The following CD274 variants were observed in gnomAD, a reference collection of about 807,000 sequenced individuals.
CD274 encodes CD274 molecule, also known as programmed cell death 1 ligand 1.
A neutral mutation model predicts 30.1 loss-of-function variants in CD274; 8 were observed. The ratio of observed to expected loss-of-function variants is 0.27; its 90% CI spans 0.16 to 0.48. The LOEUF (loss-of-function observed/expected upper bound fraction) is 0.48, where lower values mean the gene tolerates loss of function less well. CD274 is among the 20% of genes least tolerant of loss of function. CD274 has a pLI of 0.99. For missense variants in CD274, 353 were observed against 346.6 expected (o/e 1.02, Z -0.15); for synonymous variants, 152 against 124.6 (o/e 1.22, Z -1.46).
intron 1 of CD274, among the ~76,000 whole-genome samples, chr9:5,453,549 C>A (rs1043499824): frequency 8.5e-5 from 13 of 152,132 alleles, no homozygotes; most frequent in Non-Finnish European, 1.6e-4. Context: ...AAATTGGCAA[C>A]AATCTGATAC....
intron 3 of CD274, among the ~76,000 whole-genome samples, chr9:5,458,789 A>G (rs1819351741): frequency 6.6e-6 from 1 of 152,180 alleles, no homozygotes; most frequent in African/African-American, 2.4e-5. Context: ...ATGCTTCTCC[A>G]TTCATGACAT....
chr9:5,457,526 C>T, intron 3 of CD274, 106 bp downstream of exon 3: 5 of 831,144 alleles, frequency 6.0e-6, no homozygotes, highest in Non-Finnish European at 9.3e-6. Context: ...AACAGAACAG[C>T]ATAGTCTGTT....
intron 2 of CD274, 55 bp from the exon 3 acceptor site, chr9:5,457,024 G>C: frequency 7.9e-7 from 1 of 1,268,964 alleles, no homozygotes; most frequent in Non-Finnish European, 1.1e-6. Flanking sequence ...TGCCAATTTT[G>C]TAAATGTTTC....
intron 1 of CD274, among the ~76,000 whole-genome samples, chr9:5,452,942 T>C (rs923957225): frequency 1.3e-5 from 2 of 152,120 alleles, no homozygotes; most frequent in African/African-American, 2.4e-5. Flanking sequence ...TGAATTTGTG[T>C]TTATAATACA....
rs1162523484 is a variant in CD274, at chr9:5,469,366, A to T, written c.*1504A>T. The T allele has an allele frequency of 8.6e-6, 2 of 232,520 alleles. No individual in the cohort carries two copies. The highest frequency in any genetic ancestry group is 1.7e-5 in the Non-Finnish European group (2 of 117,678). 14.4% of individuals were successfully genotyped at this position (232,520 alleles called of 1,614,324 possible). A position where few individuals can be genotyped will look rare whatever the true frequency, so the allele number is the denominator to read the frequency against. ...AAGATCCCATGGGAGATGGTTGGAA[A>T]ATCTCCACTTCATCCTCCAAGCCAT... On this transcript the variant is annotated 3_prime_UTR_variant, in exon 7 of 7. Transcript: ENST00000381577.
intron 3 of CD274, 51 bp from the exon 4 acceptor site, chr9:5,462,783 C>T (rs188918055): frequency 1.6e-4 from 241 of 1,533,572 alleles, no homozygotes; most frequent in Non-Finnish European, 2.0e-4. Context: ...AAGCTATGTA[C>T]GTAGTTCTGT....
chr9:5,469,803 G>C lies in CD274; in HGVS notation c.*1941G>C. 4.3e-6 allele frequency: 1 copy of C among 232,994 alleles called. No homozygotes were observed. Among genetic ancestry groups the C allele is most frequent in the Non-Finnish European group, 8.5e-6 (1 of 117,870 alleles). The allele number at this position is 232,994 out of a possible 1,614,324, so 14.4% of individuals were successfully genotyped here. ...ACCCATGGGCTCTCCAGGGTGCACT[G>C]AGTCAATCTAGTCCTAAAAAGCAAT... On this transcript the variant is annotated 3_prime_UTR_variant, in exon 7 of 7. Transcript: ENST00000381577.
At chr9:5,463,152 G>C (rs1819437062) in intron 4 of CD274, 31 bp downstream of exon 4, 1 of 1,545,120 alleles carries the variant, frequency 6.5e-7, no homozygotes. Context: ...ATTAAAATAT[G>C]TCTAACACTG....
intron 1 of CD274, among the ~76,000 whole-genome samples, chr9:5,451,854 T>G (rs928350671): frequency 6.6e-6 from 1 of 152,052 alleles, no homozygotes; most frequent in Non-Finnish European, 1.5e-5. Flanking sequence ...ATTTTTTTTT[T>G]GTTTTTGTAG....
chr9:5,457,003 T>C, intron 2 of CD274, 76 bp from the exon 3 acceptor site: 1 of 988,350 alleles, frequency 1.0e-6, no homozygotes, highest in Non-Finnish European at 1.5e-6. Context: ...TAAAGTGATT[T>C]ATAAACGCTG....
chr9:5,452,760 A>G (rs1195372968), intron 1 of CD274, among the ~76,000 whole-genome samples: 1 of 152,150 alleles, frequency 6.6e-6, no homozygotes, highest in Non-Finnish European at 1.5e-5. Flanking sequence ...TACTCCTAAA[A>G]ATTTCAACCA....
chr9:5,458,918 T>C (rs751995559), intron 3 of CD274, among the ~76,000 whole-genome samples: 2 of 152,108 alleles, frequency 1.3e-5, no homozygotes, highest in Non-Finnish European at 2.9e-5. Context: ...ATCAACAGCA[T>C]TGCTAGATCT....
rs376113864 is a variant in CD274 at position 5,467,870 on chromosome 9, T to C, written c.*8T>C. 18 of 1,607,366 alleles carry C rather than the reference T, an allele frequency of 1.1e-5. No individual in the cohort carries two copies. Among genetic ancestry groups the C allele is most frequent in the Admixed American group, 1.7e-5 (1 of 59,956 alleles). On this transcript the variant is annotated 3_prime_UTR_variant, in exon 7 of 7. Transcript: ENST00000381577. ...CATTTGGAGGAGACGTAATCCAGCA[T>C]TGGAACTTCTGATCTTCAAGCAGGG... is the stretch of plus-strand genomic sequence containing the variant.
chr9:5,450,959 G>A (rs559393240), intron 1 of CD274, among the ~76,000 whole-genome samples: 135 of 152,300 alleles, frequency 8.9e-4, no homozygotes, highest in African/African-American at 3.2e-3. Context: ...ACCGCCAGCT[G>A]CTTGCTAGTA....
intron 3 of CD274, among the ~76,000 whole-genome samples, chr9:5,460,323 T>C (rs1819382239): frequency 6.6e-6 from 1 of 152,150 alleles, no homozygotes; most frequent in South Asian, 2.1e-4. Flanking sequence ...TACTATCGAG[T>C]ACTACTACAA....
intron 3 of CD274, 22 bp from the exon 4 acceptor site, chr9:5,462,812 C>T (rs373915736): frequency 6.2e-7 from 1 of 1,603,356 alleles, no homozygotes; most frequent in Admixed American, 1.7e-5. Context: ...AAAGCCCTGA[C>T]TTCTTTTTGT....
At position 5,466,909 on chromosome 9, in the gene CD274, G is replaced by T. The variant is rs116028727; in HGVS notation, c.850+80G>T. 9.5e-4 allele frequency: 969 copies of T among 1,017,314 alleles called. 7 individuals are homozygous for T. In the African/African-American group the frequency reaches 0.014, roughly 14 times the overall value. 63.0% of individuals were successfully genotyped at this position (1,017,314 alleles called of 1,614,324 possible). On this transcript the variant is annotated intron_variant, in intron 6 of 6. Transcript: ENST00000381577. ...AGCAATAACAAAGAGAAATCCATCA[G>T]TCATAATCTCCTCTCCTTTTAAAGA... is the stretch of plus-strand genomic sequence containing the variant.
chr9:5,469,873 T>C lies in CD274; in HGVS notation c.*2011T>C, dbSNP rs1040851222. On this transcript the variant is annotated 3_prime_UTR_variant, in exon 7 of 7. Transcript: ENST00000381577. Reference sequence around the variant, plus strand: ...GACAGAATCATGTCTGGAACTTTTGTTTTCTGCTTTCTGTCAAGTATAAAC... The same window carrying C: ...GACAGAATCATGTCTGGAACTTTTGCTTTCTGCTTTCTGTCAAGTATAAAC... 2 of 233,168 alleles carry C rather than the reference T, an allele frequency of 8.6e-6. No homozygotes were observed. Among genetic ancestry groups the C allele is most frequent in the Admixed American group, 5.6e-5 (1 of 17,802 alleles). 14.4% of individuals were successfully genotyped at this position (233,168 alleles called of 1,614,324 possible).
intron 2 of CD274, 53 bp from the exon 3 acceptor site, chr9:5,457,026 A>T (rs2131210559): frequency 7.7e-7 from 1 of 1,291,334 alleles, no homozygotes; most frequent in Non-Finnish European, 1.1e-6. Context: ...CCAATTTTGT[A>T]AATGTTTCGA....
Sources: allele counts gnomAD v4.1 joint callset (sites outside exome capture counted in the v4.1 genomes callset), GRCh38; gene constraint gnomAD v4.1.1; transcripts MANE v1.5; gene names NCBI Gene and HGNC (gene_info 2026-07-23, HGNC 2026-07-21).